Variants in SCMH1 observed in about 807,000 individuals in gnomAD.
SCMH1 encodes Scm polycomb group protein homolog 1.
A neutral mutation model predicts 70.8 loss-of-function variants in SCMH1; 37 were observed. The ratio of observed to expected loss-of-function variants is 0.52; its 90% CI spans 0.40 to 0.69. The LOEUF is 0.69. Among genes scored for constraint, SCMH1 ranks in the 30% least tolerant of loss-of-function variants. The pLI, the probability that SCMH1 is intolerant of heterozygous loss-of-function variation, is 0.00. For missense variants in SCMH1, 607 were observed against 827.3 expected (o/e 0.73, Z 3.27); for synonymous variants, 292 against 307.4 (o/e 0.95, Z 0.52).
At chr1:41,052,728 A>G (rs1379542531) in intron 10 of SCMH1, among the ~76,000 whole-genome samples, 1 of 152,206 alleles carries the variant, frequency 6.6e-6, no homozygotes, top group Non-Finnish European at 1.5e-5. Context: ...AAGAGTACAT[A>G]TAGTATGATT....
intron 6 of SCMH1, among the ~76,000 whole-genome samples, chr1:41,133,502 G>T (rs1642727339): frequency 6.6e-6 from 1 of 152,036 alleles, no homozygotes; most frequent in African/African-American, 2.4e-5. Context: ...TCCAGGAACT[G>T]GTTTTTTTGA....
At chr1:41,092,838 A>G (rs1230396738) in intron 8 of SCMH1, among the ~76,000 whole-genome samples, 1 of 152,194 alleles carries the variant, frequency 6.6e-6, no homozygotes, top group East Asian at 1.9e-4. Flanking sequence ...ATCTCACACC[A>G]GTTAGAATGG....
At chr1:41,151,488 C>T in intron 5 of SCMH1, 126 bp downstream of exon 5, 1 of 610,698 alleles carries the variant, frequency 1.6e-6, no homozygotes, top group Non-Finnish European at 2.8e-6. Flanking sequence ...GTGTTCTTCC[C>T]ATAGAAGTTT....
At chr1:41,119,626 CAT>C (rs1254690965) in intron 6 of SCMH1, among the ~76,000 whole-genome samples, 1 of 152,102 alleles carries the variant, frequency 6.6e-6, no homozygotes, top group Non-Finnish European at 1.5e-5. Context: ...TGTTTTTTGA[CAT>C]GAGATTGACG....
rs1647781414 is a variant in SCMH1, at chr1:41,178,791, C to T, written c.13+7330G>A. ...ACTCCCACACAATAATAATGGGAGACTTTAACACCCCACTGTCAACATTAG... is the reference window on the plus strand; with the variant it reads ...ACTCCCACACAATAATAATGGGAGATTTTAACACCCCACTGTCAACATTAG... On this transcript the variant is annotated intron_variant, in intron 2 of 14. Coordinates refer to ENST00000337495, the Ensembl canonical transcript of SCMH1. 9.2e-5 allele frequency among the ~76,000 whole-genome samples: 14 copies of T among 152,260 alleles called. No homozygotes were observed. The South Asian group carries it at 2.9e-3, about 32-fold the overall frequency.
At chr1:41,034,774 C>G (rs1645058579) in intron 13 of SCMH1, among the ~76,000 whole-genome samples, 1 of 152,188 alleles carries the variant, frequency 6.6e-6, no homozygotes, top group South Asian at 2.1e-4. Flanking sequence ...CTAGACCATC[C>G]TCCTATGAAA....
intron 12 of SCMH1, among the ~76,000 whole-genome samples, chr1:41,040,722 GGC>G (rs1244276619): frequency 1.3e-5 from 2 of 152,000 alleles, no homozygotes; most frequent in East Asian, 3.9e-4. Context: ...AAATTAGCCG[GGC>G]GTGGTGGTGC....
intron 8 of SCMH1, among the ~76,000 whole-genome samples, chr1:41,095,007 A>T (rs1318783617): frequency 6.6e-6 from 1 of 152,004 alleles, no homozygotes; most frequent in African/African-American, 2.4e-5. Context: ...ATCACCCCCA[A>T]ACCCCTGGCA....
At chr1:41,040,250 G>A (rs1007006399) in intron 12 of SCMH1, among the ~76,000 whole-genome samples, 1 of 152,132 alleles carries the variant, frequency 6.6e-6, no homozygotes, top group African/African-American at 2.4e-5. Flanking sequence ...TACATGCAGA[G>A]GTAAACAAAT....
At chr1:41,126,999 A>G (rs1400184184) in intron 6 of SCMH1, among the ~76,000 whole-genome samples, 2 of 152,170 alleles carry the variant, frequency 1.3e-5, no homozygotes, top group African/African-American at 4.8e-5. Flanking sequence ...GCAAAAAAAA[A>G]TGAGAACGCT....
intron 8 of SCMH1, among the ~76,000 whole-genome samples, chr1:41,104,634 T>G (rs978296586): frequency 6.6e-6 from 1 of 152,142 alleles, no homozygotes; most frequent in Non-Finnish European, 1.5e-5. Flanking sequence ...AAAAAAGAAT[T>G]TGCTTCACTT....
At chr1:41,239,610 T>C (rs1193732351) in intron 1 of SCMH1, among the ~76,000 whole-genome samples, 1 of 152,222 alleles carries the variant, frequency 6.6e-6, no homozygotes, top group Non-Finnish European at 1.5e-5. Flanking sequence ...AGTAGGTACA[T>C]AAGTGTACAG....
At chr1:41,216,145 T>A (rs1391870297) in intron 1 of SCMH1, among the ~76,000 whole-genome samples, 6 of 152,192 alleles carry the variant, frequency 3.9e-5, no homozygotes. Context: ...CCCTGGCAAC[T>A]AACATCTCTT....
chr1:41,176,224 G>A (rs1288105050), intron 2 of SCMH1, among the ~76,000 whole-genome samples: 3 of 149,664 alleles, frequency 2.0e-5, no homozygotes, highest in Admixed American at 6.6e-5. Context: ...GAAAGAAAGA[G>A]GAGAAAAGAG....
intron 6 of SCMH1, among the ~76,000 whole-genome samples, chr1:41,140,512 C>T (rs1643957083): frequency 3.3e-5 from 5 of 152,172 alleles, no homozygotes; most frequent in Non-Finnish European, 7.4e-5. Context: ...AGAATGATCT[C>T]GATCTCCTGA....
At chr1:41,127,003 G>A (rs1673347488) in intron 6 of SCMH1, among the ~76,000 whole-genome samples, 1 of 152,118 alleles carries the variant, frequency 6.6e-6, no homozygotes, top group Admixed American at 6.6e-5. Context: ...AAAAAAATGA[G>A]AACGCTTATT....
intron 2 of SCMH1, among the ~76,000 whole-genome samples, chr1:41,185,813 T>C (rs1029549507): frequency 3.3e-5 from 5 of 152,102 alleles, no homozygotes; most frequent in African/African-American, 1.2e-4. Flanking sequence ...TTTGTATTTT[T>C]AGTAGAAATG....
rs114888703 is a variant in SCMH1 at position 41,115,277 on chromosome 1, T to C, written c.501+1645A>G. ...AAGAGATAAGTCTTCAAATATTCCC[T>C]AGTGATTTGTGGATTTTCCAATTTT... On this transcript the variant is annotated intron_variant, in intron 7 of 14. Transcript: ENST00000337495. Among the ~76,000 whole-genome samples the C allele has an allele frequency of 2.4e-3, 367 of 152,340 alleles. 2 individuals carry two copies. Among genetic ancestry groups the C allele is most frequent in the African/African-American group, 8.2e-3 (340 of 41,586 alleles).
chr1:41,188,591 T>C (rs562261141), intron 1 of SCMH1, among the ~76,000 whole-genome samples: 3 of 152,312 alleles, frequency 2.0e-5, no homozygotes, highest in African/African-American at 7.2e-5. Context: ...CTGGAGAATG[T>C]AATGACTCCG....
Sources: allele counts gnomAD v4.1 joint callset (sites outside exome capture counted in the v4.1 genomes callset), GRCh38; gene constraint gnomAD v4.1.1; transcripts MANE v1.5; gene names NCBI Gene and HGNC (gene_info 2026-07-23, HGNC 2026-07-21).